The following RORA variants were observed in gnomAD, a reference collection of about 807,000 sequenced individuals.
The protein encoded by RORA is RAR related orphan receptor A.
A neutral mutation model predicts 69.5 loss-of-function variants in RORA; 7 were observed. The observed-to-expected ratio is 0.10, with a 90% CI of 0.06 to 0.19. The LOEUF is 0.19. Among genes scored for constraint, RORA ranks in the 10% least tolerant of loss-of-function variants. The probability of loss-of-function intolerance (pLI) is 1.00; values close to 1 mark genes in which losing one functional copy is unlikely to be tolerated. For missense variants in RORA, 457 were observed against 663.0 expected (o/e 0.69, Z 3.41); for synonymous variants, 261 against 240.8 (o/e 1.08, Z -0.78).
intron 1 of RORA, among the ~76,000 whole-genome samples, chr15:60,935,620 C>T (rs1892498027): frequency 1.3e-5 from 2 of 152,228 alleles, no homozygotes; most frequent in Admixed American, 1.3e-4. Context: ...ATGGACAGCC[C>T]TCTCCATCCA....
Position 60,511,658 on chromosome 15 carries a change from C to G in RORA, c.425-37G>C, listed in dbSNP as rs776823548. 1 of 1,546,300 alleles carries G rather than the reference C, an allele frequency of 6.5e-7. No homozygotes were observed. The highest frequency in any genetic ancestry group is 2.3e-5 in the East Asian group (1 of 44,244). On this transcript the variant is annotated intron_variant, in intron 4 of 10. Transcript: ENST00000335670. This position sits in a 1 kb window ranked among gnomAD's most constrained non-coding sequence, Gnocchi z 6.4. Reference sequence around the variant, plus strand: ...AAGCCAAACCATACTACATACAATGCGCTTTTCTTCAATATTCTCTCCTGC... The same window carrying G: ...AAGCCAAACCATACTACATACAATGGGCTTTTCTTCAATATTCTCTCCTGC...
intron 1 of RORA, among the ~76,000 whole-genome samples, chr15:60,927,277 C>T (rs936705609): frequency 6.6e-6 from 1 of 152,198 alleles, no homozygotes; most frequent in African/African-American, 2.4e-5. Flanking sequence ...TAAGGAAGCT[C>T]TATCCTATGC....
chr15:61,141,521 A>G (rs1449486908), intron 1 of RORA, among the ~76,000 whole-genome samples: 2 of 152,244 alleles, frequency 1.3e-5, no homozygotes, highest in African/African-American at 4.8e-5. Context: ...AAAAGAAACC[A>G]GAATAATGCA....
chr15:60,514,779 T>A, intron 3 of RORA, 22 bp from the exon 4 acceptor site: 5 of 1,607,810 alleles, frequency 3.1e-6, no homozygotes, highest in Non-Finnish European at 4.3e-6. Context: ...TTATAAAATA[T>A]AAAACAGGTT....
intron 1 of RORA, among the ~76,000 whole-genome samples, chr15:60,977,154 AATTATAAG>A (rs1893897802): frequency 6.6e-6 from 1 of 151,284 alleles, no homozygotes; most frequent in African/African-American, 2.4e-5. Context: ...CCAACAATTA[AATTATAAG>A]ATTATTTTTC....
chr15:61,147,367 G>A lies in RORA; in HGVS notation c.166+81686C>T, dbSNP rs1377240130. Among the ~76,000 whole-genome samples the A allele has an allele frequency of 6.6e-6, 1 of 152,140 alleles. No individual in the cohort carries two copies. ...TCCAGTTCCTGCTGGAAGCCATGTTGCCTGGGCACCGTGAGGCTCACCCTC... is the reference window on the plus strand; with the variant it reads ...TCCAGTTCCTGCTGGAAGCCATGTTACCTGGGCACCGTGAGGCTCACCCTC... On this transcript the variant is annotated intron_variant, in intron 1 of 10. Transcript: ENST00000335670. This position sits in a 1 kb window ranked among gnomAD's most constrained non-coding sequence, Gnocchi z 4.1.
chr15:60,801,422 T>C (rs1455733634), intron 1 of RORA, among the ~76,000 whole-genome samples: 1 of 152,172 alleles, frequency 6.6e-6, no homozygotes, highest in East Asian at 1.9e-4. Flanking sequence ...TTTAGTGGCT[T>C]AGATATTTCT....
Position 60,763,096 on chromosome 15 carries a change from T to TTTTTTTTTTA in RORA, c.167-84411_167-84410insTAAAAAAAAA, listed in dbSNP as rs375632043. Among the ~76,000 whole-genome samples the TTTTTTTTTTA allele has an allele frequency of 3.4e-4, 37 of 109,428 alleles. 1 individual carries two copies. Among genetic ancestry groups the TTTTTTTTTTA allele is most frequent in the Admixed American group, 2.1e-3 (17 of 8,246 alleles). 71.8% of individuals were successfully genotyped at this position (109,428 alleles called of 152,430 possible). On this transcript the variant is annotated intron_variant, in intron 1 of 10. Coordinates refer to ENST00000335670, the MANE Select transcript of RORA (RefSeq NM_134261.3). ...TTTTTTTTTTTTTTTTTTTTTTTTT[T>TTTTTTTTTTA]AACCAACCTACCAAAGCAAAGGCAG...
At chr15:60,827,984 G>GT (rs1481564696) in intron 1 of RORA, among the ~76,000 whole-genome samples, 2 of 152,216 alleles carry the variant, frequency 1.3e-5, no homozygotes, top group African/African-American at 4.8e-5. Context: ...ACTGGATGAA[G>GT]TAAGACAGAT....
intron 2 of RORA, among the ~76,000 whole-genome samples, chr15:60,659,007 C>T (rs907969757): frequency 1.3e-5 from 2 of 152,058 alleles, no homozygotes; most frequent in African/African-American, 2.4e-5. Flanking sequence ...TGTGTAAGCC[C>T]GAGGAGGAGG....
intron 1 of RORA, among the ~76,000 whole-genome samples, chr15:60,716,639 G>T (rs989430153): frequency 1.3e-5 from 2 of 152,046 alleles, no homozygotes; most frequent in African/African-American, 4.8e-5. Context: ...ATCTTCTCCT[G>T]CCCTACAGTC....
intron 1 of RORA, among the ~76,000 whole-genome samples, chr15:60,906,534 A>T (rs1891547587): frequency 6.6e-6 from 1 of 152,138 alleles, no homozygotes; most frequent in Non-Finnish European, 1.5e-5. Context: ...CATTCTAGGA[A>T]ATCTCTCCCT....
intron 1 of RORA, among the ~76,000 whole-genome samples, chr15:60,865,479 C>T (rs369201686): frequency 1.3e-5 from 2 of 152,304 alleles, no homozygotes; most frequent in South Asian, 2.1e-4. Flanking sequence ...ATGAGACTCA[C>T]TTTAAGCATT....
At chr15:60,586,901 TTA>T (rs1596017730) in intron 2 of RORA, among the ~76,000 whole-genome samples, 1 of 152,218 alleles carries the variant, frequency 6.6e-6, no homozygotes, top group East Asian at 1.9e-4. Flanking sequence ...TTGAAAACTT[TTA>T]GACTTCACGT....
chr15:60,655,194 T>C (rs560797691), intron 2 of RORA, among the ~76,000 whole-genome samples: 1 of 152,270 alleles, frequency 6.6e-6, no homozygotes, highest in African/African-American at 2.4e-5. Context: ...TATTTATTTT[T>C]GAGACAGAGT....
At chr15:61,078,593 A>G (rs1004731723) in intron 1 of RORA, among the ~76,000 whole-genome samples, 5 of 152,338 alleles carry the variant, frequency 3.3e-5, no homozygotes, top group African/African-American at 1.2e-4. Flanking sequence ...GAGGAAAACC[A>G]ATGCTCAGAG....
At chr15:60,631,742 C>T (rs901766189) in intron 2 of RORA, among the ~76,000 whole-genome samples, 7 of 152,240 alleles carry the variant, frequency 4.6e-5, no homozygotes, top group African/African-American at 1.7e-4. Context: ...GGCAACCTCA[C>T]AGGCTCCTGG....
chr15:60,787,979 G>A (rs1225712275), intron 1 of RORA, among the ~76,000 whole-genome samples: 1 of 152,256 alleles, frequency 6.6e-6, no homozygotes, highest in Admixed American at 6.5e-5. Flanking sequence ...CCCTCATGGA[G>A]CTAAGTCTGG....
At chr15:61,121,250 C>T (rs573363957) in intron 1 of RORA, among the ~76,000 whole-genome samples, 2 of 152,318 alleles carry the variant, frequency 1.3e-5, no homozygotes, top group East Asian at 3.9e-4. Flanking sequence ...AGAGAGGTCA[C>T]TGTCTTGCTC....
Sources: gnomAD v4.1 joint callset for allele counts (sites outside exome capture counted in the v4.1 genomes callset) on GRCh38, gnomAD v4.1.1 for gene constraint, Gnocchi (gnomAD v3.1) non-coding constraint, MANE v1.5 for transcripts, NCBI Gene and HGNC (gene_info 2026-07-23, HGNC 2026-07-21) for gene names.